LARP1B: variants seen among roughly 807,000 people sequenced by gnomAD.
LARP1B encodes La ribonucleoprotein 1B, also known as la-related protein 1B.
In LARP1B, 76 loss-of-function variants were observed where a neutral mutation model predicts 114.2. That is an observed-to-expected ratio of 0.67 (90% CI 0.55 to 0.81). The LOEUF (loss-of-function observed/expected upper bound fraction) is 0.81, where lower values mean the gene tolerates loss of function less well. LARP1B is among the 30% of genes least tolerant of loss of function. The pLI is 0.00. For missense variants in LARP1B, 1,014 were observed against 1,075.8 expected (o/e 0.94, Z 0.80); for synonymous variants, 345 against 348.0 (o/e 0.99, Z 0.10).
chr4:128,061,763 G>A, intron 1 of LARP1B: 1 of 984,960 alleles, frequency 1.0e-6, no homozygotes, highest in Non-Finnish European at 1.2e-6. Context: ...TGCTGAGAGG[G>A]AGTCGCTGTT....
chr4:128,114,422 GT>G (rs756066479), intron 9 of LARP1B, 147 bp from the exon 10 acceptor site: 1 of 631,434 alleles, frequency 1.6e-6, no homozygotes, highest in Non-Finnish European at 2.8e-6. Flanking sequence ...AGCCCTTCAG[GT>G]TTGAAAATCA....
chr4:128,159,058 G>A (rs1581136133), intron 11 of LARP1B, among the ~76,000 whole-genome samples: 1 of 151,472 alleles, frequency 6.6e-6, no homozygotes, highest in South Asian at 2.1e-4. Context: ...TGCACCTGTA[G>A]TGCCAGCTAC....
chr4:128,176,794 T>C (rs538896226), intron 12 of LARP1B, 78 bp from the exon 13 acceptor site: 2 of 1,376,980 alleles, frequency 1.5e-6, no homozygotes, highest in South Asian at 2.4e-5. Flanking sequence ...GAAAATAAAT[T>C]TTAATTTAAT....
At chr4:128,159,032 G>T (rs1737140594) in intron 11 of LARP1B, among the ~76,000 whole-genome samples, 1 of 150,568 alleles carries the variant, frequency 6.6e-6, no homozygotes, top group Non-Finnish European at 1.5e-5. Context: ...AAAAAAATTA[G>T]CCTGTCATGG....
intron 11 of LARP1B, among the ~76,000 whole-genome samples, chr4:128,132,741 A>T (rs548417206): frequency 6.6e-6 from 1 of 152,036 alleles, no homozygotes; most frequent in Admixed American, 6.6e-5. Context: ...TATGGAAGAC[A>T]GTTTTTCTGT....
chr4:128,134,750 T>TA (rs980548684), intron 11 of LARP1B, among the ~76,000 whole-genome samples: 2 of 152,176 alleles, frequency 1.3e-5, no homozygotes, highest in African/African-American at 2.4e-5. Context: ...ACAAAAAATA[T>TA]AACCTGATTT....
chr4:128,144,740 C>T (rs1378908208), intron 11 of LARP1B, among the ~76,000 whole-genome samples: 2 of 151,960 alleles, frequency 1.3e-5, no homozygotes, highest in African/African-American at 4.8e-5. Flanking sequence ...ATTTTTAGGC[C>T]CGTCCAAGTA....
At chr4:128,120,561 C>T (rs1787570037) in intron 10 of LARP1B, among the ~76,000 whole-genome samples, 1 of 151,448 alleles carries the variant, frequency 6.6e-6, no homozygotes, top group African/African-American at 2.4e-5. Context: ...CCTCCGCCTC[C>T]AGGGTTCAAG....
At chr4:128,112,627 C>CCACG (rs1784509925) in intron 9 of LARP1B, among the ~76,000 whole-genome samples, 1 of 151,844 alleles carries the variant, frequency 6.6e-6, no homozygotes, top group African/African-American at 2.4e-5. Context: ...GCACCCACCA[C>CCACG]CACGCCCGGC....
At chr4:128,063,090 T>C (rs952392361) in intron 1 of LARP1B, among the ~76,000 whole-genome samples, 1 of 152,276 alleles carries the variant, frequency 6.6e-6, no homozygotes, top group Admixed American at 6.5e-5. Flanking sequence ...CAATGCTGTA[T>C]GGCCGTCGGT....
At chr4:128,099,943 C>T (rs1327444072) in intron 8 of LARP1B, among the ~76,000 whole-genome samples, 13 of 151,928 alleles carry the variant, frequency 8.6e-5, no homozygotes, top group Admixed American at 3.3e-4. Flanking sequence ...AGTGGTTTCT[C>T]ATTGTGGGTT....
intron 11 of LARP1B, among the ~76,000 whole-genome samples, chr4:128,134,831 G>A (rs990419690): frequency 3.3e-5 from 5 of 152,106 alleles, no homozygotes; most frequent in South Asian, 2.1e-4. Flanking sequence ...AAGGCTGGGC[G>A]CAATGGCTCA....
chr4:128,212,523 TG>T (rs2150977450), downstream of LARP1B, among the ~76,000 whole-genome samples: 1 of 152,184 alleles, frequency 6.6e-6, no homozygotes, highest in East Asian at 1.9e-4. Context: ...GGTGCATGTC[TG>T]TAATCTCAGC....
chr4:128,177,550 T>G (rs1746768627), intron 13 of LARP1B, among the ~76,000 whole-genome samples: 2 of 152,118 alleles, frequency 1.3e-5, no homozygotes, highest in African/African-American at 4.8e-5. Context: ...AATAGCAGGC[T>G]TACAAAAGAG....
intron 10 of LARP1B, among the ~76,000 whole-genome samples, chr4:128,121,379 G>C (rs569674277): frequency 6.6e-6 from 1 of 152,228 alleles, no homozygotes; most frequent in South Asian, 2.1e-4. Context: ...GCGCAATGGC[G>C]CGATCTTGGC....
At chr4:128,174,193 AT>A (rs1382397778) in intron 12 of LARP1B, among the ~76,000 whole-genome samples, 5 of 152,072 alleles carry the variant, frequency 3.3e-5, no homozygotes, top group Non-Finnish European at 2.9e-5. Context: ...AGTTTTGGCT[AT>A]TATGAAAAAT....
intron 12 of LARP1B, among the ~76,000 whole-genome samples, chr4:128,173,121 T>G (rs1744527251): frequency 6.6e-6 from 1 of 152,178 alleles, no homozygotes; most frequent in South Asian, 2.1e-4. Context: ...TGATTTTGTT[T>G]TTTTGCTAGC....
chr4:128,117,808 CCA>C (rs1786402924), intron 10 of LARP1B, among the ~76,000 whole-genome samples: 2 of 152,116 alleles, frequency 1.3e-5, no homozygotes, highest in Non-Finnish European at 2.9e-5. Flanking sequence ...GTGTGAACCA[CCA>C]CACCTGGCCT....
chr4:128,121,890 A>G lies in LARP1B; in HGVS notation c.1226A>G (p.Glu409Gly). 1 of 1,612,666 alleles carries G rather than the reference A, an allele frequency of 6.2e-7. No individual in the cohort carries two copies. The highest frequency in any genetic ancestry group is 8.5e-7 in the Non-Finnish European group (1 of 1,179,688). ...TGTTCTTCAGAAGAACCAGAACAAG[A>G]AGAACTTGATTTTTTGTTTGATGAA... ...QLCSSEEPEQ[E>G]ELDFLFDEEI... is the part of the protein sequence containing the mutation. Residue 409 changes from glutamate to glycine, a missense_variant, in exon 11 of 20, where the codon GAA becomes GGA. Transcript: ENST00000326639.
Sources: allele counts gnomAD v4.1 joint callset (sites outside exome capture counted in the v4.1 genomes callset), GRCh38; gene constraint gnomAD v4.1.1; transcripts MANE v1.5; gene names NCBI Gene and HGNC (gene_info 2026-07-23, HGNC 2026-07-21).